Variants in CNTN5 observed in about 807,000 individuals in gnomAD.
CNTN5 encodes the protein contactin-5.
In CNTN5, 77 loss-of-function variants were observed where a neutral mutation model predicts 129.1. That is an observed-to-expected ratio of 0.60 (90% confidence interval 0.50 to 0.72). The LOEUF (loss-of-function observed/expected upper bound fraction) is 0.72. CNTN5 is among the 30% of genes least tolerant of loss of function. The probability of loss-of-function intolerance (pLI) is 0.00; values close to 1 mark genes in which losing one functional copy is unlikely to be tolerated. For synonymous variants in CNTN5, 509 were observed against 465.6 expected, an observed-to-expected ratio of 1.09 and a Z score of -1.20; for missense variants, 1,478 against 1,328.8, an observed-to-expected ratio of 1.11 and a Z score of -1.75.
At chr11:99,862,128 A>G (rs1280963120) in intron 6 of CNTN5, among the ~76,000 whole-genome samples, 1 of 152,182 alleles carries the variant, frequency 6.6e-6, no homozygotes, top group Non-Finnish European at 1.5e-5. Context: ...AAAACATACA[A>G]ATTAACTGTC....
In CNTN5 at chr11:99,660,061, A is replaced by T. The variant is rs115775035; in HGVS notation, c.55+103792A>T. 2.2e-3 allele frequency among the ~76,000 whole-genome samples: 341 copies of T among 152,226 alleles called. 1 individual carries two copies. The highest frequency in any genetic ancestry group is 7.5e-3 in the African/African-American group (311 of 41,570). On this transcript the variant is annotated intron_variant, in intron 3 of 24. Transcript: ENST00000524871. ...CCAGTATGCAGAAATATGAACATTG[A>T]TCCATCCTTCATTTTATATAGAAAA...
chr11:99,740,206 C>T (rs555893398), intron 3 of CNTN5, among the ~76,000 whole-genome samples: 1 of 151,996 alleles, frequency 6.6e-6, no homozygotes, highest in East Asian at 1.9e-4. Flanking sequence ...TTAATGTGGT[C>T]AATAAGAACT....
intron 2 of CNTN5, among the ~76,000 whole-genome samples, chr11:99,504,095 T>C (rs145887885): frequency 1.3e-5 from 2 of 152,220 alleles, no homozygotes; most frequent in African/African-American, 4.8e-5. Flanking sequence ...AAATCTGTGG[T>C]GAACAGGGGC....
At chr11:99,317,974 G>C (rs1221689700) in intron 1 of CNTN5, among the ~76,000 whole-genome samples, 1 of 151,958 alleles carries the variant, frequency 6.6e-6, no homozygotes, top group Non-Finnish European at 1.5e-5. Context: ...AGACAAATCT[G>C]GGCAGATTCT....
chr11:99,523,123 T>C (rs1377384413), intron 2 of CNTN5, among the ~76,000 whole-genome samples: 9 of 152,262 alleles, frequency 5.9e-5, no homozygotes, highest in Non-Finnish European at 8.8e-5. Context: ...GTACTTGAAA[T>C]GACTTTCCCT....
intron 2 of CNTN5, among the ~76,000 whole-genome samples, chr11:99,421,654 G>T (rs1365037787): frequency 6.6e-6 from 1 of 152,050 alleles, no homozygotes; most frequent in Non-Finnish European, 1.5e-5. Flanking sequence ...ACACCGCATT[G>T]CATGTTTCAA....
chr11:99,795,653 T>A (rs1046601825), intron 3 of CNTN5, among the ~76,000 whole-genome samples: 5 of 151,718 alleles, frequency 3.3e-5, no homozygotes, highest in Non-Finnish European at 5.9e-5. Flanking sequence ...ACCCTTTGGA[T>A]CTTTTTTTAA....
chr11:99,362,310 G>A (rs1939166616), intron 2 of CNTN5, among the ~76,000 whole-genome samples: 1 of 151,844 alleles, frequency 6.6e-6, no homozygotes, highest in South Asian at 2.1e-4. Context: ...CAAGTCCTTT[G>A]CCCATTCTTT....
intron 2 of CNTN5, among the ~76,000 whole-genome samples, chr11:99,540,390 G>A (rs1323388691): frequency 6.6e-6 from 1 of 152,088 alleles, no homozygotes; most frequent in Non-Finnish European, 1.5e-5. Context: ...ACAATGCACG[G>A]CATTTTGCTG....
At chr11:99,561,713 A>T (rs555220698) in intron 3 of CNTN5, among the ~76,000 whole-genome samples, 1 of 592 alleles carries the variant, frequency 1.7e-3, no homozygotes, top group Non-Finnish European at 0.013. Flanking sequence ...CCTCCCCAAA[A>T]CCTATAACCC....
chr11:99,655,339 CCTGA>C (rs1442335718), intron 3 of CNTN5, among the ~76,000 whole-genome samples: 1 of 152,044 alleles, frequency 6.6e-6, no homozygotes, highest in Non-Finnish European at 1.5e-5. Context: ...CAAAGTACAG[CCTGA>C]CTAATACTAA....
chr11:100,330,227 A>T (rs1239918388), intron 21 of CNTN5, among the ~76,000 whole-genome samples: 1 of 152,168 alleles, frequency 6.6e-6, no homozygotes, highest in Non-Finnish European at 1.5e-5. Context: ...AGAGGAAAGA[A>T]CTCTGGAGCT....
chr11:100,252,350 T>G (rs1054254402), intron 16 of CNTN5, among the ~76,000 whole-genome samples: 1 of 152,160 alleles, frequency 6.6e-6, no homozygotes, highest in Non-Finnish European at 1.5e-5. Context: ...AATATTTTCT[T>G]CCATTCTGCG....
intron 15 of CNTN5, among the ~76,000 whole-genome samples, chr11:100,203,481 T>G (rs904243476): frequency 3.0e-4 from 45 of 152,038 alleles, no homozygotes; most frequent in African/African-American, 1.0e-3. Context: ...CTGTTCTTAA[T>G]AAGTATGCAT....
intron 2 of CNTN5, among the ~76,000 whole-genome samples, chr11:99,379,276 C>G (rs1047472127): frequency 1.3e-5 from 2 of 149,052 alleles, no homozygotes; most frequent in Non-Finnish European, 3.0e-5. Context: ...ATTAATTATA[C>G]GAATAACTAT....
At chr11:100,004,584 G>T (rs749620018) in intron 9 of CNTN5, among the ~76,000 whole-genome samples, 1 of 152,124 alleles carries the variant, frequency 6.6e-6, no homozygotes, top group Non-Finnish European at 1.5e-5. Flanking sequence ...ATGTAATCAG[G>T]ATCCAACTCA....
chr11:99,527,379 AT>A (rs1317302651), intron 2 of CNTN5, among the ~76,000 whole-genome samples: 1 of 152,194 alleles, frequency 6.6e-6, no homozygotes, highest in African/African-American at 2.4e-5. Flanking sequence ...ATATTATTTC[AT>A]TCCTTTTATG....
At chr11:99,904,351 C>T (rs1434524407) in intron 6 of CNTN5, among the ~76,000 whole-genome samples, 1 of 151,532 alleles carries the variant, frequency 6.6e-6, no homozygotes, top group African/African-American at 2.4e-5. Flanking sequence ...TCCGTGTGTT[C>T]TCATTGTTCA....
At chr11:99,763,278 C>G (rs769586424) in intron 3 of CNTN5, among the ~76,000 whole-genome samples, 3 of 152,030 alleles carry the variant, frequency 2.0e-5, no homozygotes, top group Non-Finnish European at 4.4e-5. Context: ...ACACTGTAGT[C>G]CATCCTTTAC....
Sources: gnomAD v4.1 joint callset for allele counts (sites outside exome capture counted in the v4.1 genomes callset) on GRCh38, gnomAD v4.1.1 for gene constraint, MANE v1.5 for transcripts, NCBI Gene and HGNC (gene_info 2026-07-23, HGNC 2026-07-21) for gene names.